The following RGL1 variants were observed in gnomAD, a reference collection of about 807,000 sequenced individuals.
The protein encoded by RGL1 is ral guanine nucleotide dissociation stimulator-like 1.
In RGL1, 24 loss-of-function variants were observed where a neutral mutation model predicts 95.2. The observed-to-expected ratio is 0.25, with a 90% confidence interval of 0.18 to 0.35. The LOEUF (loss-of-function observed/expected upper bound fraction) is 0.35, where lower values mean the gene tolerates loss of function less well. Among genes scored for constraint, RGL1 ranks in the 10% least tolerant of loss-of-function variants. The probability of loss-of-function intolerance (pLI) is 1.00; values close to 1 mark genes in which losing one functional copy is unlikely to be tolerated. For missense variants in RGL1, 715 were observed against 936.3 expected (o/e 0.76, Z 3.08); for synonymous variants, 329 against 344.9 (o/e 0.95, Z 0.51).
chr1:183,663,619 T>C (rs1021544756), intron 1 of RGL1, among the ~76,000 whole-genome samples: 64 of 152,030 alleles, frequency 4.2e-4, no homozygotes, highest in Non-Finnish European at 7.1e-4. Context: ...TTGGTGGGAC[T>C]GTAAACTAGT....
At chr1:183,779,474 C>T (rs1478228588) in intron 2 of RGL1, among the ~76,000 whole-genome samples, 1 of 152,094 alleles carries the variant, frequency 6.6e-6, no homozygotes, top group Non-Finnish European at 1.5e-5. Flanking sequence ...GTCTTGAACT[C>T]CTGACCTCAA....
At chr1:183,702,838 G>C (rs1654682988) in intron 1 of RGL1, among the ~76,000 whole-genome samples, 1 of 152,230 alleles carries the variant, frequency 6.6e-6, no homozygotes, top group African/African-American at 2.4e-5. Context: ...GCGGTGTGGA[G>C]CAACACGCTG....
intron 1 of RGL1, among the ~76,000 whole-genome samples, chr1:183,641,386 C>T (rs1020176622): frequency 1.6e-4 from 24 of 152,084 alleles, no homozygotes; most frequent in African/African-American, 4.8e-4. Flanking sequence ...CTGCCAGCCT[C>T]GGCCTCTCAC....
At position 183,928,331 on chromosome 1, in the gene RGL1, A is replaced by C. The variant is rs1669735782; in HGVS notation, c.*2039A>C. 1 of 152,492 alleles carries C rather than the reference A, an allele frequency of 6.6e-6. No homozygotes were observed. Among genetic ancestry groups the C allele is most frequent in the South Asian group, 2.1e-4 (1 of 4,818 alleles). 9.4% of individuals were successfully genotyped at this position (152,492 alleles called of 1,614,324 possible). Reference sequence around the variant, plus strand: ...TATTTACCTTTTTTAAAGACAATGGAAATTCCAAGTAGCTAAAACTTAGCT... The same window carrying C: ...TATTTACCTTTTTTAAAGACAATGGCAATTCCAAGTAGCTAAAACTTAGCT... On this transcript the variant is annotated 3_prime_UTR_variant, in exon 18 of 18. Transcript: ENST00000360851.
intron 10 of RGL1, among the ~76,000 whole-genome samples, chr1:183,899,906 T>C (rs1667919247): frequency 1.3e-5 from 2 of 152,240 alleles, no homozygotes; most frequent in Admixed American, 6.5e-5. Flanking sequence ...GTCAACACTT[T>C]TGAACAGATG....
chr1:183,769,712 C>G (rs1659181595), intron 2 of RGL1, among the ~76,000 whole-genome samples: 1 of 152,170 alleles, frequency 6.6e-6, no homozygotes, highest in Non-Finnish European at 1.5e-5. Flanking sequence ...TTTGTTTACC[C>G]TGATAGGTAA....
chr1:183,825,222 G>C lies in RGL1; in HGVS notation c.138+18737G>C, dbSNP rs78495045. 2.0e-3 allele frequency among the ~76,000 whole-genome samples: 297 copies of C among 152,280 alleles called. 2 individuals carry two copies. The highest frequency in any genetic ancestry group is 6.6e-3 in the African/African-American group (276 of 41,556). On this transcript the variant is annotated intron_variant, in intron 2 of 17. Coordinates refer to ENST00000360851, the MANE Select transcript of RGL1 (RefSeq NM_001297671.3). ...AATTTTAGACATATCATGCTGGAAG[G>C]GTTTCTGGATTAGAAGAGATTTGGG... is the stretch of plus-strand genomic sequence containing the variant.
At chr1:183,715,257 G>GT (rs930043819) in intron 1 of RGL1, among the ~76,000 whole-genome samples, 38 of 151,672 alleles carry the variant, frequency 2.5e-4, no homozygotes, top group African/African-American at 6.8e-4. Context: ...ATTTGATCTT[G>GT]TTTTTTTTGT....
intron 8 of RGL1, 90 bp from the exon 9 acceptor site, chr1:183,891,987 T>A: frequency 1.1e-6 from 1 of 924,986 alleles, no homozygotes; most frequent in East Asian, 2.6e-5. Context: ...CAGTCCCTCC[T>A]TAGACATGAG....
At chr1:183,716,342 C>T (rs913915149) in intron 1 of RGL1, among the ~76,000 whole-genome samples, 1 of 152,212 alleles carries the variant, frequency 6.6e-6, no homozygotes, top group African/African-American at 2.4e-5. Flanking sequence ...AAAATTTCTA[C>T]TGGCTTAATC....
At chr1:183,650,366 A>AC (rs1426837315) in intron 1 of RGL1, among the ~76,000 whole-genome samples, 2 of 151,874 alleles carry the variant, frequency 1.3e-5, no homozygotes, top group East Asian at 1.9e-4. Flanking sequence ...ACATGGTGAA[A>AC]CCCCGTCTCT....
chr1:183,652,678 C>T (rs2102003011), intron 1 of RGL1, among the ~76,000 whole-genome samples: 1 of 152,348 alleles, frequency 6.6e-6, no homozygotes, highest in Non-Finnish European at 1.5e-5. Flanking sequence ...AGCCAGGTTG[C>T]TTAAGACTTG....
At chr1:183,837,291 A>C (rs1373610066) in intron 2 of RGL1, among the ~76,000 whole-genome samples, 14 of 152,190 alleles carry the variant, frequency 9.2e-5, no homozygotes, top group Non-Finnish European at 2.1e-4. Flanking sequence ...TAGGTCACAC[A>C]GAAGCTCACT....
intron 1 of RGL1, among the ~76,000 whole-genome samples, chr1:183,721,807 G>A (rs148316498): frequency 6.6e-6 from 1 of 152,302 alleles, no homozygotes; most frequent in East Asian, 1.9e-4. Flanking sequence ...CCTACACTGT[G>A]CCTGTGTCTT....
At chr1:183,640,740 A>T (rs546081013) in intron 1 of RGL1, among the ~76,000 whole-genome samples, 1 of 152,294 alleles carries the variant, frequency 6.6e-6, no homozygotes, top group Non-Finnish European at 1.5e-5. Context: ...ATTTGAGGTA[A>T]TGATAATTTA....
chr1:183,642,462 C>T (rs948404144), intron 1 of RGL1, among the ~76,000 whole-genome samples: 3 of 152,092 alleles, frequency 2.0e-5, no homozygotes, highest in African/African-American at 2.4e-5. Context: ...TCTCTACTTT[C>T]GGTATCTTTT....
intron 1 of RGL1, among the ~76,000 whole-genome samples, chr1:183,684,707 C>T (rs1653455750): frequency 1.3e-5 from 2 of 152,192 alleles, no homozygotes; most frequent in Admixed American, 1.3e-4. Flanking sequence ...AAACCCAGGG[C>T]CCTGGTGGTG....
intron 1 of RGL1, among the ~76,000 whole-genome samples, chr1:183,659,893 G>A (rs2102021224): frequency 6.7e-6 from 1 of 149,714 alleles, no homozygotes; most frequent in East Asian, 1.9e-4. Context: ...AGAGAGTGGG[G>A]GCCAATATTC....
chr1:183,834,888 G>A (rs956453893), intron 2 of RGL1, among the ~76,000 whole-genome samples: 10 of 150,650 alleles, frequency 6.6e-5, no homozygotes, highest in Non-Finnish European at 1.5e-4. Flanking sequence ...TCACTATATT[G>A]CCCAGGCTAG....
Sources: gnomAD v4.1 joint callset for allele counts (sites outside exome capture counted in the v4.1 genomes callset) on GRCh38, gnomAD v4.1.1 for gene constraint, MANE v1.5 for transcripts, NCBI Gene and HGNC (gene_info 2026-07-23, HGNC 2026-07-21) for gene names.